The following ZNF254 variants were observed in gnomAD, a reference collection of about 807,000 sequenced individuals.
ZNF254 encodes the protein CTD-2017D11.1.
Under a neutral mutation model 12.4 loss-of-function variants are expected in ZNF254, and 10 were observed. The ratio of observed to expected loss-of-function variants is 0.80; its 90% CI spans 0.50 to 1.36. The LOEUF (loss-of-function observed/expected upper bound fraction) is 1.36, where lower values mean the gene tolerates loss of function less well. ZNF254 is among the 40% of genes most tolerant of loss of function. The probability of loss-of-function intolerance (pLI) is 0.00; values close to 1 mark genes in which losing one functional copy is unlikely to be tolerated. For missense variants in ZNF254, 996 were observed against 763.9 expected, an observed-to-expected ratio of 1.30 and a Z score of -3.58; for synonymous variants, 305 against 253.4, an observed-to-expected ratio of 1.20 and a Z score of -1.93.
At chr19:24,108,279 C>T (rs1295783871) in intron 3 of ZNF254, among the ~76,000 whole-genome samples, 1 of 152,264 alleles carries the variant, frequency 6.6e-6, no homozygotes, top group South Asian at 2.1e-4. Flanking sequence ...GCAGGACCCC[C>T]CCAGACTGTG....
At chr19:24,048,468 G>T (rs1013335816) in intron 2 of ZNF254, among the ~76,000 whole-genome samples, 2 of 152,276 alleles carry the variant, frequency 1.3e-5, no homozygotes. Context: ...GTTTAAGGGG[G>T]ACCAGATGGT....
intron 1 of ZNF254, among the ~76,000 whole-genome samples, chr19:24,043,754 G>A (rs954339575): frequency 8.6e-5 from 13 of 152,034 alleles, no homozygotes; most frequent in Non-Finnish European, 5.9e-5. Context: ...AACTTTTCAT[G>A]TGTACATACT....
In ZNF254 at chr19:24,126,644, G is replaced by C; in HGVS notation, c.644G>C (p.Cys215Ser). 1 of 1,611,608 alleles carries C rather than the reference G, an allele frequency of 6.2e-7. No individual in the cohort carries two copies. Among genetic ancestry groups the C allele is most frequent in the South Asian group, 1.1e-5 (1 of 90,354 alleles). The change falls in exon 4 of 4, where the codon TGT becomes TCT. Residue 215 changes from cysteine to serine, a missense_variant. Coordinates refer to ENST00000357002, the MANE Select transcript of ZNF254 (RefSeq NM_203282.4). ...GAGAAGTCCTACAAATGTAAAGAAT[G>C]TGGAAAAACCTTTAATTGGTCCTCA... ...HREKSYKCKE[C>S]GKTFNWSSTL...
At chr19:24,049,836 A>T (rs1970579491) in intron 2 of ZNF254, among the ~76,000 whole-genome samples, 1 of 151,924 alleles carries the variant, frequency 6.6e-6, no homozygotes, top group Non-Finnish European at 1.5e-5. Flanking sequence ...CATCCATCAC[A>T]CAGGTAATGC....
intron 1 of ZNF254, chr19:24,104,709 TCTC>T (rs1392262851): frequency 2.6e-5 from 4 of 152,204 alleles, no homozygotes; most frequent in Non-Finnish European, 4.4e-5. Flanking sequence ...TTAAAAATGT[TCTC>T]CTTGTGGCTG....
At chr19:24,113,361 G>T (rs922810636) in intron 3 of ZNF254, among the ~76,000 whole-genome samples, 2 of 152,174 alleles carry the variant, frequency 1.3e-5, no homozygotes, top group African/African-American at 4.8e-5. Context: ...TCCCTGGGAT[G>T]CAGGGCTGGT....
At chr19:24,059,721 C>G (rs1484011646) in intron 2 of ZNF254, among the ~76,000 whole-genome samples, 1 of 152,144 alleles carries the variant, frequency 6.6e-6, no homozygotes, top group Non-Finnish European at 1.5e-5. Context: ...TTTCTTTCAT[C>G]ACCCAAGTGG....
chr19:24,111,134 G>C (rs2145852181), intron 3 of ZNF254, among the ~76,000 whole-genome samples: 2 of 123,262 alleles, frequency 1.6e-5, no homozygotes, highest in African/African-American at 6.4e-5. Context: ...CACAGAGTGT[G>C]ATGTTCCCCT....
chr19:24,034,749 T>C (rs1969902386), intron 1 of ZNF254, among the ~76,000 whole-genome samples: 1 of 151,898 alleles, frequency 6.6e-6, no homozygotes, highest in South Asian at 2.1e-4. Context: ...AGTGCTGGAA[T>C]TACAGGTGTG....
intron 3 of ZNF254, among the ~76,000 whole-genome samples, chr19:24,125,431 C>T (rs1309831603): frequency 6.6e-6 from 1 of 150,848 alleles, no homozygotes; most frequent in Admixed American, 6.6e-5. Context: ...TGATTTCTTT[C>T]AGAAAATTTT....
chr19:24,071,506 G>A (rs1048662719), intron 2 of ZNF254, among the ~76,000 whole-genome samples: 1 of 152,186 alleles, frequency 6.6e-6, no homozygotes, highest in Non-Finnish European at 1.5e-5. Flanking sequence ...TAGGTGAAGG[G>A]CCTAGGTTAT....
intron 3 of ZNF254, among the ~76,000 whole-genome samples, chr19:24,114,686 A>G (rs1178601506): frequency 7.2e-6 from 1 of 139,086 alleles, no homozygotes; most frequent in African/African-American, 3.0e-5. Flanking sequence ...ATGGGATCTA[A>G]TTAAACTAAA....
At chr19:24,086,523 G>A (rs1972046496), upstream of ZNF254, among the ~76,000 whole-genome samples, 1 of 151,326 alleles carries the variant, frequency 6.6e-6, no homozygotes, top group Admixed American at 6.6e-5. Flanking sequence ...TGTTGTCCAG[G>A]CTGGAGTGTA....
intron 1 of ZNF254, among the ~76,000 whole-genome samples, chr19:24,089,646 G>A (rs1972247832): frequency 6.6e-6 from 1 of 152,054 alleles, no homozygotes; most frequent in Non-Finnish European, 1.5e-5. Flanking sequence ...GGTATTGAGT[G>A]TAGCGTCCCA....
At chr19:24,122,027 T>G (rs1974517107) in intron 3 of ZNF254, among the ~76,000 whole-genome samples, 1 of 152,166 alleles carries the variant, frequency 6.6e-6, no homozygotes, top group South Asian at 2.1e-4. Flanking sequence ...TGAATATAAT[T>G]TAAAACTCCC....
chr19:24,110,559 C>T (rs1973606541), intron 3 of ZNF254, among the ~76,000 whole-genome samples: 1 of 149,170 alleles, frequency 6.7e-6, no homozygotes, highest in South Asian at 2.1e-4. Context: ...GATTGAGACC[C>T]TGTTTCAAAA....
chr19:24,051,317 G>A (rs756470267), intron 2 of ZNF254, among the ~76,000 whole-genome samples: 3 of 151,946 alleles, frequency 2.0e-5, no homozygotes, highest in South Asian at 2.1e-4. Flanking sequence ...ATGCCACCAC[G>A]CCCAGCTAAT....
At position 24,058,051 on chromosome 19, in the gene ZNF254, C is replaced by T. The variant is rs1041301136; in HGVS notation, c.-94+11772C>T. ...AGCACCTAGATGATGTAACTATTCTCCTGCCTTGGTGCTACTCAAAAAAGA... is the reference window on the plus strand; with the variant it reads ...AGCACCTAGATGATGTAACTATTCTTCTGCCTTGGTGCTACTCAAAAAAGA... On this transcript the variant is annotated intron_variant, in intron 2 of 4. Transcript: ENST00000613065. Among the ~76,000 whole-genome samples the T allele has an allele frequency of 1.3e-4, 20 of 152,288 alleles. No homozygotes were observed. The East Asian group carries it at 1.4e-3, about 10-fold the overall frequency.
chr19:24,097,474 A>G (rs980968671), intron 1 of ZNF254, among the ~76,000 whole-genome samples: 4 of 152,138 alleles, frequency 2.6e-5, no homozygotes, highest in Non-Finnish European at 5.9e-5. Context: ...TATTTATACT[A>G]CAAAAACAAA....
Sources: allele counts gnomAD v4.1 joint callset (sites outside exome capture counted in the v4.1 genomes callset), GRCh38; gene constraint gnomAD v4.1.1; transcripts MANE v1.5; gene names NCBI Gene and HGNC (gene_info 2026-07-23, HGNC 2026-07-21).